The following ZBTB16 variants were observed in gnomAD, a reference collection of about 807,000 sequenced individuals.
ZBTB16 encodes the protein zinc finger and BTB domain containing 16, also known as zinc finger and BTB domain-containing protein 16.
ZBTB16 carries 8 observed loss-of-function variants against 56.8 expected under a neutral mutation model. That is an observed-to-expected ratio of 0.14 (90% confidence interval 0.08 to 0.25). ZBTB16 has a LOEUF of 0.25. ZBTB16 is among the 10% of genes least tolerant of loss of function. The pLI is 1.00. For missense variants in ZBTB16, 625 were observed against 903.0 expected (o/e 0.69, Z 3.95); for synonymous variants, 363 against 368.5 (o/e 0.98, Z 0.17).
intron 2 of ZBTB16, among the ~76,000 whole-genome samples, chr11:114,074,520 T>C (rs1324387543): frequency 2.0e-5 from 3 of 152,208 alleles, no homozygotes; most frequent in African/African-American, 7.2e-5. Flanking sequence ...CCCATCTCTT[T>C]AAGGAACGTC....
intron 4 of ZBTB16, among the ~76,000 whole-genome samples, chr11:114,223,768 C>T (rs1944282198): frequency 6.6e-6 from 1 of 152,058 alleles, no homozygotes; most frequent in Non-Finnish European, 1.5e-5. Context: ...ACGTGAGCAA[C>T]CTCCAACTTG....
chr11:114,177,157 T>A (rs1943136876), intron 3 of ZBTB16, among the ~76,000 whole-genome samples: 1 of 152,180 alleles, frequency 6.6e-6, no homozygotes, highest in African/African-American at 2.4e-5. Flanking sequence ...AGGTACTTCA[T>A]ATAGTTTCTT....
rs943608828 is a variant in ZBTB16 at position 114,256,115 on chromosome 11, T to C, written c.*5560T>C. Among the ~76,000 whole-genome samples, 4 of 152,188 alleles carry C rather than the reference T, an allele frequency of 2.6e-5. No homozygotes were observed. Among genetic ancestry groups the C allele is most frequent in the Admixed American group, 1.3e-4 (2 of 15,300 alleles). ...GTGGGGACTGGGAAAAAGAAAGCTC[T>C]GTATTACACATATTTAGACTTATCT... On this transcript the variant is annotated 3_prime_UTR_variant, in exon 7 of 7. Transcript: ENST00000335953.
intron 4 of ZBTB16, among the ~76,000 whole-genome samples, chr11:114,191,381 A>G (rs1943490126): frequency 6.6e-6 from 1 of 152,200 alleles, no homozygotes; most frequent in African/African-American, 2.4e-5. Flanking sequence ...CCACTGTGTT[A>G]TAATTGCCTG....
intron 2 of ZBTB16, among the ~76,000 whole-genome samples, chr11:114,144,570 T>G (rs570421227): frequency 1.3e-5 from 2 of 152,318 alleles, no homozygotes; most frequent in East Asian, 3.9e-4. Context: ...TAACAGAGCT[T>G]CTTGCCGCAG....
At chr11:114,148,339 T>TGG (rs1565651484) in intron 2 of ZBTB16, among the ~76,000 whole-genome samples, 10 of 37,522 alleles carry the variant, frequency 2.7e-4, no homozygotes, top group Non-Finnish European at 5.7e-4. Flanking sequence ...CTGGCTGGCT[T>TGG]CCTTCCTTCC....
chr11:114,217,602 C>T (rs565128752), intron 4 of ZBTB16, among the ~76,000 whole-genome samples: 27 of 152,220 alleles, frequency 1.8e-4, no homozygotes, highest in African/African-American at 6.0e-4. Context: ...AAGATGTCTG[C>T]GGAACATCTA....
At chr11:114,129,658 T>A (rs914275572) in intron 2 of ZBTB16, among the ~76,000 whole-genome samples, 1 of 152,346 alleles carries the variant, frequency 6.6e-6, no homozygotes, top group African/African-American at 2.4e-5. Flanking sequence ...GTGAAACCAT[T>A]TTCCATTTGC....
In ZBTB16 at chr11:114,115,549, G is replaced by A. The variant is rs189487388; in HGVS notation, c.1269-40788G>A. Among the ~76,000 whole-genome samples the A allele has an allele frequency of 2.0e-4, 30 of 152,186 alleles. 1 individual carries two copies. Among genetic ancestry groups the A allele is most frequent in the Admixed American group, 2.0e-4 (3 of 15,280 alleles). ...CCCCTAGAGCAGAAGTTCCCGCGCTGTGCCTCTTCTCTGGCTGCTTGCTGA... is the reference window on the plus strand; with the variant it reads ...CCCCTAGAGCAGAAGTTCCCGCGCTATGCCTCTTCTCTGGCTGCTTGCTGA... On this transcript the variant is annotated intron_variant, in intron 2 of 6. Transcript: ENST00000335953.
rs1251526580 is a variant in ZBTB16, at chr11:114,254,392, T to C, written c.*3837T>C. On this transcript the variant is annotated 3_prime_UTR_variant, in exon 7 of 7. Transcript: ENST00000335953. ...TTGTGCCTGAACAGTTTTTCCATGT[T>C]GAGAAAAAAAAGAAAAAAAAACTGC... is the stretch of plus-strand genomic sequence containing the variant. Among the ~76,000 whole-genome samples the C allele has an allele frequency of 6.6e-6, 1 of 151,534 alleles. No homozygotes were observed. The highest frequency in any genetic ancestry group is 1.9e-4 in the East Asian group (1 of 5,154).
At chr11:114,227,338 G>A (rs1250713707) in intron 4 of ZBTB16, among the ~76,000 whole-genome samples, 1 of 152,214 alleles carries the variant, frequency 6.6e-6, no homozygotes. Context: ...CAGCAGACAG[G>A]GGAGGATGTC....
chr11:114,071,615 T>A (rs989403298), intron 2 of ZBTB16, among the ~76,000 whole-genome samples: 2 of 152,234 alleles, frequency 1.3e-5, no homozygotes, highest in African/African-American at 2.4e-5. Flanking sequence ...TAATTTTTTT[T>A]ATTAATTTAA....
At chr11:114,172,105 C>T (rs1482794320) in intron 3 of ZBTB16, among the ~76,000 whole-genome samples, 1 of 152,224 alleles carries the variant, frequency 6.6e-6, no homozygotes, top group African/African-American at 2.4e-5. Context: ...AAATCATCCC[C>T]TCAATCCTCC....
At chr11:114,135,399 T>C (rs1287398516) in intron 2 of ZBTB16, among the ~76,000 whole-genome samples, 2 of 152,336 alleles carry the variant, frequency 1.3e-5, no homozygotes, top group East Asian at 3.9e-4. Flanking sequence ...ATTTACCAGC[T>C]GAGTTTAAGA....
chr11:114,229,572 A>G (rs1944396863), intron 4 of ZBTB16, among the ~76,000 whole-genome samples: 1 of 152,144 alleles, frequency 6.6e-6, no homozygotes, highest in Non-Finnish European at 1.5e-5. Context: ...ACTTTCTGTG[A>G]TTTCTGTCTC....
intron 4 of ZBTB16, among the ~76,000 whole-genome samples, chr11:114,235,954 G>A (rs971546480): frequency 2.6e-5 from 4 of 151,802 alleles, no homozygotes; most frequent in Admixed American, 2.0e-4. Flanking sequence ...TATTTGCATG[G>A]ATCCTGCCCA....
At chr11:114,210,737 A>G (rs2135129054) in intron 4 of ZBTB16, 1 of 218,174 alleles carries the variant, frequency 4.6e-6, no homozygotes, top group East Asian at 6.7e-5. Context: ...GAGACATCCC[A>G]GGCCTGGTGT....
intron 2 of ZBTB16, among the ~76,000 whole-genome samples, chr11:114,100,713 G>A (rs748810450): frequency 1.5e-4 from 23 of 152,144 alleles, no homozygotes; most frequent in African/African-American, 1.2e-4. Flanking sequence ...AACTCAATGA[G>A]GACCCTTTTG....
intron 2 of ZBTB16, among the ~76,000 whole-genome samples, chr11:114,105,150 C>T (rs182763284): frequency 4.6e-5 from 7 of 152,176 alleles, no homozygotes; most frequent in Admixed American, 1.3e-4. Flanking sequence ...TGCTGTAATC[C>T]GAATATACTT....
Sources: gnomAD v4.1 joint callset for allele counts (sites outside exome capture counted in the v4.1 genomes callset) on GRCh38, gnomAD v4.1.1 for gene constraint, MANE v1.5 for transcripts, NCBI Gene and HGNC (gene_info 2026-07-23, HGNC 2026-07-21) for gene names.